Variants in SCNN1A observed in about 807,000 individuals in gnomAD.
SCNN1A encodes sodium channel epithelial 1 subunit alpha, also known as epithelial sodium channel subunit alpha.
A neutral mutation model predicts 68.6 loss-of-function variants in SCNN1A; 65 were observed. That is an observed-to-expected ratio of 0.95 (90% CI 0.78 to 1.16). SCNN1A has a LOEUF of 1.16. SCNN1A is among the 50% of genes most tolerant of loss of function. SCNN1A has a pLI of 0.00. For synonymous variants in SCNN1A, 357 were observed against 353.3 expected (o/e 1.01, Z -0.12); for missense variants, 880 against 865.9 (o/e 1.02, Z -0.20).
intron 4 of SCNN1A, among the ~76,000 whole-genome samples, chr12:6,358,277 AGAC>A (rs1948529601): frequency 1.3e-5 from 2 of 152,218 alleles, no homozygotes; most frequent in African/African-American, 4.8e-5. Context: ...TCAAAAAGAC[AGAC>A]AACAGCATGA....
At position 6,354,454 on chromosome 12, in the gene SCNN1A, T is replaced by C. The variant is rs759773949; in HGVS notation, c.1344A>G (p.Arg448=). Residue 448 remains arginine (R), a synonymous_variant, in exon 8 of 13, where the codon AGA becomes AGG. Transcript: ENST00000228916. ...GAGTCTCACCCCAGGAACTGTGCTT[T>C]CTGTAGTCACAGTACTCCACGTTCT... is the stretch of plus-strand genomic sequence containing the variant. The part of the protein sequence containing the change: ...RPQNVEYCDY[R]KHSSWGYCYY... 2.5e-6 allele frequency: 4 copies of C among 1,611,566 alleles called. No individual in the cohort carries two copies. The East Asian group carries it at 6.7e-5, about 27-fold the overall frequency.
rs1246498749 is a variant in SCNN1A, at chr12:6,347,579, T to C, written c.*294A>G. The C allele has an allele frequency of 2.1e-6, 1 of 467,006 alleles. No individual in the cohort carries two copies. The highest frequency in any genetic ancestry group is 1.9e-5 in the African/African-American group (1 of 51,718). The allele number at this position is 467,006 out of a possible 1,614,324, so 28.9% of individuals were successfully genotyped here. ...TCCTTGTCAAAGCTCCAAGTTTCGCTTGGCTGATCCAAGGGAAAAAGAGAC... is the reference window on the plus strand; with the variant it reads ...TCCTTGTCAAAGCTCCAAGTTTCGCCTGGCTGATCCAAGGGAAAAAGAGAC... On this transcript the variant is annotated 3_prime_UTR_variant, in exon 13 of 13. Transcript: ENST00000228916.
At chr12:6,355,538 A>G in intron 5 of SCNN1A, 103 bp from the exon 6 acceptor site, 1 of 1,403,596 alleles carries the variant, frequency 7.1e-7, no homozygotes, top group Non-Finnish European at 9.8e-7. Context: ...CTAAAGCTGC[A>G]AGAGAAGCAA....
chr12:6,375,368 G>A (rs1948886619), intron 1 of SCNN1A, 137 bp downstream of exon 1: 5 of 1,465,568 alleles, frequency 3.4e-6, no homozygotes, highest in Non-Finnish European at 4.5e-6. Flanking sequence ...GCTGTGTCCT[G>A]ATTCTGTCTC....
At position 6,351,162 on chromosome 12, in the gene SCNN1A, A is replaced by G. The variant is rs988121794; in HGVS notation, c.1361-1757T>C. ...CAACACAAATGTCCACTAACTGATAAATGGGTAAACAAAGTGTGGTCTATC... is the reference window on the plus strand; with the variant it reads ...CAACACAAATGTCCACTAACTGATAGATGGGTAAACAAAGTGTGGTCTATC... On this transcript the variant is annotated intron_variant, in intron 8 of 12. Coordinates refer to ENST00000228916, the MANE Select transcript of SCNN1A (RefSeq NM_001038.6). This position sits in a 1 kb window ranked among gnomAD's most constrained non-coding sequence, Gnocchi z 4.2. Among the ~76,000 whole-genome samples, 5 of 152,256 alleles carry G rather than the reference A, an allele frequency of 3.3e-5. No individual in the cohort carries two copies. Among genetic ancestry groups the G allele is most frequent in the African/African-American group, 9.6e-5 (4 of 41,466 alleles).
Position 6,362,157 on chromosome 12 carries a change from T to G in SCNN1A, c.769A>C (p.Ile257Leu), listed in dbSNP as rs779918209. ...TCTGGCAGCCTCGACAGGATGTTGA[T>G]GTAGTGGAAGCGGTACCACTCCCTC... ...AVREWYRFHY[I>L]NILSRLPETL... The change falls in exon 4 of 13, where the codon ATC becomes CTC. Residue 257 changes from isoleucine to leucine, a missense_variant. Physicochemically the swap from Ile to Leu is conservative, Grantham distance 5. Coordinates refer to ENST00000228916, the MANE Select transcript of SCNN1A (RefSeq NM_001038.6). 6.2e-7 allele frequency: 1 copy of G among 1,614,202 alleles called. No individual in the cohort carries two copies. Among genetic ancestry groups the G allele is most frequent in the South Asian group, 1.1e-5 (1 of 91,086 alleles).
chr12:6,347,340 G>A lies in SCNN1A; in HGVS notation c.*533C>T, dbSNP rs1948275173. On this transcript the variant is annotated 3_prime_UTR_variant, in exon 13 of 13. Transcript: ENST00000228916. Reference sequence around the variant, plus strand: ...CTCTAGCCCTAGCCCTCGGGAGTCAGGGAAGGGGAATTGCCTAAGTAACAA... The same window carrying A: ...CTCTAGCCCTAGCCCTCGGGAGTCAAGGAAGGGGAATTGCCTAAGTAACAA... 1 of 167,092 alleles carries A rather than the reference G, an allele frequency of 6.0e-6. No homozygotes were observed. The highest frequency in any genetic ancestry group is 1.4e-4 in the South Asian group (1 of 6,986). The allele number at this position is 167,092 out of a possible 1,614,324, so 10.4% of individuals were successfully genotyped here. A position where few individuals can be genotyped will look rare whatever the true frequency, so the allele number is the denominator to read the frequency against.
intron 8 of SCNN1A, among the ~76,000 whole-genome samples, chr12:6,350,433 CAA>C (rs757902358): frequency 4.2e-4 from 27 of 64,920 alleles, no homozygotes; most frequent in African/African-American, 7.4e-4. Context: ...GACTCCGTCT[CAA>C]AAAAAAAAAA....
At position 6,374,756 on chromosome 12, in the gene SCNN1A, C is replaced by T. The variant is rs766263579; in HGVS notation, c.28G>A (p.Asp10Asn). ...GGAGTGGACTGTGGAGGGCTAGAGTCCTGCTCCTCCAGCTTGTTCCCCTCC... is the reference window on the plus strand; with the variant it reads ...GGAGTGGACTGTGGAGGGCTAGAGTTCTGCTCCTCCAGCTTGTTCCCCTCC... MEGNKLEEQDSSPPQSTPGL... is the reference protein window; with the variant it reads MEGNKLEEQNSSPPQSTPGL... The change falls in exon 2 of 13, where the codon GAC becomes AAC. Residue 10 changes from aspartate to asparagine, a missense_variant. Physicochemically the swap from Asp to Asn is conservative, Grantham distance 23. Around this residue, in one of 3 missense-constraint regions of SCNN1A, gnomAD observed 77 missense variants for 67.4 expected, o/e 1.14. Transcript: ENST00000228916. The surrounding 1 kb of genome is among the most constrained non-coding windows in gnomAD (Gnocchi z 6.2). 2 of 1,614,084 alleles carry T rather than the reference C, an allele frequency of 1.2e-6. No individual in the cohort carries two copies. The highest frequency in any genetic ancestry group is 4.5e-5 in the East Asian group (2 of 44,880).
chr12:6,348,235 T>C lies in SCNN1A; in HGVS notation c.1648A>G (p.Asn550Asp). 2 of 1,613,972 alleles carry C rather than the reference T, an allele frequency of 1.2e-6. No homozygotes were observed. Among genetic ancestry groups the C allele is most frequent in the Non-Finnish European group, 1.7e-6 (2 of 1,179,986 alleles). ...CACAGGCTCCACTGGCTGCCCAGGT[T>C]GGACAGGAGGGTGACCATCTGTGAG... ...PSVTMVTLLS[N>D]LGSQWSLWFG... Residue 550 changes from asparagine to aspartate, a missense_variant, in exon 13 of 13, where the codon AAC becomes GAC. Asn to Asp is a conservative substitution (Grantham distance 23, BLOSUM62 1). This residue lies in a region of SCNN1A where 758 missense variants were observed against 721.8 expected (regional missense o/e 1.05). Transcript: ENST00000228916.
intron 3 of SCNN1A, among the ~76,000 whole-genome samples, 169 bp from the exon 4 acceptor site, chr12:6,362,410 C>T (rs1309506084): frequency 6.6e-6 from 1 of 152,148 alleles, no homozygotes; most frequent in Non-Finnish European, 1.5e-5. Context: ...TCCCTAGGAG[C>T]ATGGACCAGG....
chr12:6,374,810 T>A lies in SCNN1A; in HGVS notation c.-27A>T. 6.2e-7 allele frequency: 1 copy of A among 1,613,758 alleles called. No individual in the cohort carries two copies. Among genetic ancestry groups the A allele is most frequent in the Non-Finnish European group, 8.5e-7 (1 of 1,179,920 alleles). On this transcript the variant is annotated 5_prime_UTR_variant, in exon 2 of 13. Coordinates refer to ENST00000228916, the MANE Select transcript of SCNN1A (RefSeq NM_001038.6). The surrounding 1 kb of genome is among the most constrained non-coding windows in gnomAD (Gnocchi z 6.2). Reference sequence around the variant, plus strand: ...AGACCTGGTATGGGCTGCAGAGGTCTAGGGTCCTGCTCCTCCAGCTTGTTC... The same window carrying A: ...AGACCTGGTATGGGCTGCAGAGGTCAAGGGTCCTGCTCCTCCAGCTTGTTC...
chr12:6,367,929 C>G (rs760264290), intron 2 of SCNN1A, among the ~76,000 whole-genome samples: 1 of 152,206 alleles, frequency 6.6e-6, no homozygotes, highest in African/African-American at 2.4e-5. Flanking sequence ...CCAGAAAAGT[C>G]TAGCTGGCTG....
chr12:6,375,934 A>G (rs1220989833), upstream of SCNN1A: 9 of 1,021,356 alleles, frequency 8.8e-6, no homozygotes, highest in African/African-American at 5.3e-5. Flanking sequence ...AGAGATAGGG[A>G]TGGAGGAGGG....
intron 2 of SCNN1A, among the ~76,000 whole-genome samples, chr12:6,369,734 T>C (rs990786192): frequency 6.7e-6 from 1 of 149,088 alleles, no homozygotes; most frequent in African/African-American, 2.5e-5. Context: ...CTCTGGAGGC[T>C]GAGGCAGGAG....
chr12:6,369,828 T>C (rs1418224424), intron 2 of SCNN1A, among the ~76,000 whole-genome samples: 1 of 115,694 alleles, frequency 8.6e-6, no homozygotes, highest in Non-Finnish European at 1.7e-5. Flanking sequence ...TGCAAGACTC[T>C]GTCTCAAAAA....
upstream of SCNN1A, chr12:6,375,829 G>A: frequency 7.4e-7 from 1 of 1,354,052 alleles, no homozygotes. Flanking sequence ...AACACAAGGA[G>A]AAGGGGCCAG....
In SCNN1A at chr12:6,351,605, C is replaced by T. The variant is rs931741142; in HGVS notation, c.1361-2200G>A. On this transcript the variant is annotated intron_variant, in intron 8 of 12. Transcript: ENST00000228916. This position sits in a 1 kb window ranked among gnomAD's most constrained non-coding sequence, Gnocchi z 4.2. ...TCGCGCCACTGCACTCCAGTCTGGG[C>T]GACAGAGGGAGATTCTGTCTCCAGA... Among the ~76,000 whole-genome samples, 45 of 144,848 alleles carry T rather than the reference C, an allele frequency of 3.1e-4. No homozygotes were observed. Among genetic ancestry groups the T allele is most frequent in the African/African-American group, 1.1e-3 (43 of 38,882 alleles).
intron 2 of SCNN1A, among the ~76,000 whole-genome samples, chr12:6,364,628 G>A (rs996212176): frequency 2.6e-5 from 4 of 152,134 alleles, no homozygotes; most frequent in Admixed American, 6.5e-5. Context: ...CGGGCTTGGT[G>A]GCGGGCGCCT....
Sources: allele counts gnomAD v4.1 joint callset (sites outside exome capture counted in the v4.1 genomes callset), GRCh38; gene constraint gnomAD v4.1.1; regional missense constraint gnomAD v4.1.1; non-coding constraint Gnocchi (gnomAD v3.1); transcripts MANE v1.5; gene names NCBI Gene and HGNC (gene_info 2026-07-23, HGNC 2026-07-21).